Variants in DESI1 observed in about 807,000 individuals in gnomAD.
The protein encoded by DESI1 is PPPDE peptidase domain containing 2.
A neutral mutation model predicts 22.4 loss-of-function variants in DESI1; 17 were observed. The ratio of observed to expected loss-of-function variants is 0.76; its 90% CI spans 0.52 to 1.14. The LOEUF is 1.14. Ranked by LOEUF, DESI1 falls within the 50% of genes most tolerant of loss-of-function variation. The probability of loss-of-function intolerance (pLI) is 0.00; values close to 1 mark genes in which losing one functional copy is unlikely to be tolerated. For missense variants in DESI1, 177 were observed against 208.9 expected (o/e 0.85, Z 0.94); for synonymous variants, 92 against 84.2 (o/e 1.09, Z -0.51).
chr22:41,615,335 A>T (rs896220204), intron 1 of DESI1, among the ~76,000 whole-genome samples: 49 of 150,604 alleles, frequency 3.3e-4, no homozygotes, highest in South Asian at 2.7e-3. Context: ...AATCCCAGCT[A>T]CTCAGCAGGC....
At chr22:41,603,178 G>A in intron 5 of DESI1, 81 bp downstream of exon 5, 4 of 1,600,154 alleles carry the variant, frequency 2.5e-6, no homozygotes, top group Non-Finnish European at 2.6e-6. Flanking sequence ...GGGCAGATGG[G>A]GGCCAGAGGA....
chr22:41,618,360 T>TAA (rs132769), intron 1 of DESI1, among the ~76,000 whole-genome samples: 275 of 142,690 alleles, frequency 1.9e-3, no homozygotes, highest in Middle Eastern at 0.019. Context: ...AAGACTCGTC[T>TAA]AAAAAAAAAA....
At chr22:41,607,886 C>T in intron 1 of DESI1, 25 bp from the exon 2 acceptor site, 1 of 1,614,024 alleles carries the variant, frequency 6.2e-7, no homozygotes, top group Non-Finnish European at 8.5e-7. Flanking sequence ...AGAGATTTAG[C>T]CACTTGGGAC....
chr22:41,610,807 A>G (rs942163050), intron 1 of DESI1, among the ~76,000 whole-genome samples: 2 of 149,190 alleles, frequency 1.3e-5, no homozygotes, highest in African/African-American at 4.9e-5. Context: ...CAGGAGGCGG[A>G]GGTTGCGACG....
intron 3 of DESI1, 42 bp downstream of exon 3, chr22:41,607,220 G>A: frequency 1.3e-6 from 2 of 1,525,186 alleles, no homozygotes; most frequent in Non-Finnish European, 1.8e-6. Flanking sequence ...GAGCCCCCAG[G>A]AACCTGAGAC....
Position 41,621,021 on chromosome 22 carries a change from G to T in DESI1, c.-182C>A, listed in dbSNP as rs915980985. 6 of 633,014 alleles carry T rather than the reference G, an allele frequency of 9.5e-6. No homozygotes were observed. Among genetic ancestry groups the T allele is most frequent in the African/African-American group, 1.9e-5 (1 of 52,474 alleles). 39.2% of individuals were successfully genotyped at this position (633,014 alleles called of 1,614,324 possible). ...CGCCCCCACACCCGCTACCGGCAAC[G>T]ACTACTGTGAGGTGACAGAGAGGGG... On this transcript the variant is annotated 5_prime_UTR_variant, in exon 1 of 6. Coordinates refer to ENST00000263256, the MANE Select transcript of DESI1 (RefSeq NM_015704.3).
At chr22:41,607,912 C>A in intron 1 of DESI1, 51 bp from the exon 2 acceptor site, 1 of 1,606,522 alleles carries the variant, frequency 6.2e-7, no homozygotes, top group Non-Finnish European at 8.5e-7. Context: ...TAAGTGGCCC[C>A]TCAGCCTTGG....
rs370658491 is a variant in DESI1 at position 41,601,109 on chromosome 22, G to C, written c.495C>G (p.Asn165Lys). 6.2e-7 allele frequency: 1 copy of C among 1,613,190 alleles called. No individual in the cohort carries two copies. The highest frequency in any genetic ancestry group is 8.5e-7 in the Non-Finnish European group (1 of 1,179,664). The change falls in exon 6 of 6, where the codon AAC (asparagine) becomes AAG (lysine). Residue 165 changes from asparagine (N) to lysine (K), a missense_variant. Coordinates refer to ENST00000263256, the MANE Select transcript of DESI1 (RefSeq NM_015704.3). Reference protein sequence around the residue: ...PPGGSSVGRPNGQS With the variant: ...PPGGSSVGRPKGQS ...CCAGGCAGTCCTGTTAGCTCTGGCC[G>C]TTGGGTCTGCCCACGGAGCTCCCTC...
At chr22:41,612,598 T>C (rs2067524483) in intron 1 of DESI1, among the ~76,000 whole-genome samples, 2 of 139,028 alleles carry the variant, frequency 1.4e-5, no homozygotes, top group African/African-American at 5.2e-5. Context: ...TGAGTGAAGA[T>C]TTTTTTTTTT....
chr22:41,620,517 C>G (rs2067581091), intron 1 of DESI1, among the ~76,000 whole-genome samples: 1 of 152,180 alleles, frequency 6.6e-6, no homozygotes, highest in Non-Finnish European at 1.5e-5. Context: ...AAGGTGGAGG[C>G]ATGACTCCTC....
intron 5 of DESI1, chr22:41,602,658 G>A (rs1346867732): frequency 1.0e-6 from 1 of 987,094 alleles, no homozygotes; most frequent in African/African-American, 1.7e-5. Context: ...TGGCTTTGGG[G>A]GTGTTGTGTC....
Position 41,609,070 on chromosome 22 carries a change from T to C in DESI1, c.89-1209A>G, listed in dbSNP as rs149792790. Among the ~76,000 whole-genome samples, 715 of 152,182 alleles carry C rather than the reference T, an allele frequency of 4.7e-3. 6 individuals carry two copies. The highest frequency in any genetic ancestry group is 7.7e-3 in the South Asian group (37 of 4,798). On this transcript the variant is annotated intron_variant, in intron 1 of 5. Transcript: ENST00000263256. ...GATTCTCATGCCTCAGCCTCCCAAG[T>C]AGCTGGGATTACAGGCATGCACCAC... is the stretch of plus-strand genomic sequence containing the variant.
chr22:41,601,024 A>C lies in DESI1; in HGVS notation c.*73T>G. The stretch of plus-strand genomic sequence containing the variant: ...TAGCTCTGATGTAAAATTATAAAAT[A>C]GAAATCTGGTAGGGTTTGTTTTGTT... On this transcript the variant is annotated 3_prime_UTR_variant, in exon 6 of 6. Transcript: ENST00000263256. 7.4e-7 allele frequency: 1 copy of C among 1,355,086 alleles called. No homozygotes were observed. The highest frequency in any genetic ancestry group is 1.0e-6 in the Non-Finnish European group (1 of 972,670). The allele number at this position is 1,355,086 out of a possible 1,614,324, so 83.9% of individuals were successfully genotyped here. A position where few individuals can be genotyped will look rare whatever the true frequency, so the allele number is the denominator to read the frequency against.
intron 5 of DESI1, 169 bp downstream of exon 5, chr22:41,603,090 G>T: frequency 1.0e-6 from 1 of 984,814 alleles, no homozygotes; most frequent in Non-Finnish European, 1.5e-6. Context: ...AGGTAATACA[G>T]GTGCGCATCA....
At chr22:41,616,537 C>G (rs919029994) in intron 1 of DESI1, among the ~76,000 whole-genome samples, 3 of 145,470 alleles carry the variant, frequency 2.1e-5, no homozygotes, top group African/African-American at 7.7e-5. Context: ...CACACACACA[C>G]ACACACACAC....
At chr22:41,603,980 T>C (rs1329141703) in intron 4 of DESI1, 64 bp downstream of exon 4, 5 of 1,463,330 alleles carry the variant, frequency 3.4e-6, no homozygotes, top group Non-Finnish European at 4.7e-6. Context: ...GGCAGCTGCC[T>C]CCAGGGGTTA....
In DESI1 at chr22:41,604,070, G is replaced by A. The variant is rs758158183; in HGVS notation, c.264C>T (p.Leu88=). The A allele has an allele frequency of 1.9e-6, 3 of 1,613,754 alleles. No individual in the cohort carries two copies. The highest frequency in any genetic ancestry group is 1.7e-5 in the Admixed American group (1 of 59,976). The change falls in exon 4 of 6, where the codon CTC becomes CTT. Residue 88 remains leucine (L), a synonymous_variant. Coordinates refer to ENST00000263256, the MANE Select transcript of DESI1 (RefSeq NM_015704.3). ...EVTEEIFLEY[L]SSLGESLFRG... The stretch of plus-strand genomic sequence containing the variant: ...GGAACAGGGACTCCCCCAGGGAGGA[G>A]AGGTACTCCAGAAAGATTTCTTCTG...
At chr22:41,603,067 G>A (rs1054507905) in intron 5 of DESI1, 192 bp downstream of exon 5, 1 of 844,216 alleles carries the variant, frequency 1.2e-6, no homozygotes, top group African/African-American at 1.7e-5. Context: ...AGCTGGTCTA[G>A]CTCTGAAGGT....
At chr22:41,607,452 A>C in intron 2 of DESI1, 121 bp from the exon 3 acceptor site, 2 of 850,328 alleles carry the variant, frequency 2.4e-6, no homozygotes. Context: ...CAGTCTTATA[A>C]AACCAACAAA....
Sources: gnomAD v4.1 joint callset for allele counts (sites outside exome capture counted in the v4.1 genomes callset) on GRCh38, gnomAD v4.1.1 for gene constraint, MANE v1.5 for transcripts, NCBI Gene and HGNC (gene_info 2026-07-23, HGNC 2026-07-21) for gene names.